Variants in ALPK1 observed in about 807,000 individuals in gnomAD.
The protein encoded by ALPK1 is alpha kinase 1, also known as alpha-protein kinase 1.
A neutral mutation model predicts 120.6 loss-of-function variants in ALPK1; 110 were observed. That is an observed-to-expected ratio of 0.91 (90% CI 0.78 to 1.07). The LOEUF (loss-of-function observed/expected upper bound fraction) is 1.07, where lower values mean the gene tolerates loss of function less well. ALPK1 is among the 50% of genes least tolerant of loss of function. The pLI is 0.00. For synonymous variants in ALPK1, 582 were observed against 560.3 expected (o/e 1.04, Z -0.55); for missense variants, 1,498 against 1,483.9 (o/e 1.01, Z -0.16).
intron 11 of ALPK1, among the ~76,000 whole-genome samples, chr4:112,433,765 T>A (rs11930555): frequency 1.3e-5 from 2 of 152,004 alleles, no homozygotes; most frequent in African/African-American, 2.4e-5. Flanking sequence ...CCAGAAGAGA[T>A]AAACTACATG....
At chr4:112,380,726 C>T (rs1205485888) in intron 3 of ALPK1, among the ~76,000 whole-genome samples, 2 of 151,894 alleles carry the variant, frequency 1.3e-5, no homozygotes, top group East Asian at 3.9e-4. Context: ...TTTCAAAGGG[C>T]CAGCTAGAAG....
At chr4:112,357,029 G>A (rs547007235) in intron 2 of ALPK1, 39 of 810,466 alleles carry the variant, frequency 4.8e-5, no homozygotes, top group African/African-American at 4.0e-4. Context: ...GGAGTTCAGC[G>A]CGGACCCCAC....
intron 2 of ALPK1, among the ~76,000 whole-genome samples, chr4:112,329,477 A>G (rs1192707227): frequency 6.6e-6 from 1 of 152,222 alleles, no homozygotes; most frequent in Non-Finnish European, 1.5e-5. Flanking sequence ...TTATTTCAAA[A>G]CAAAGAAAGC....
At chr4:112,414,371 C>A in intron 5 of ALPK1, 1 of 454,498 alleles carries the variant, frequency 2.2e-6, no homozygotes, top group Middle Eastern at 3.4e-4. Context: ...CTTTGGGAGG[C>A]CGAAGCGGGT....
At chr4:112,319,541 C>T (rs1204210781) in intron 2 of ALPK1, among the ~76,000 whole-genome samples, 1 of 152,140 alleles carries the variant, frequency 6.6e-6, no homozygotes, top group Admixed American at 6.5e-5. Context: ...TTTCTGGTTC[C>T]ATATGAATTT....
intron 2 of ALPK1, chr4:112,358,242 C>A: frequency 1.7e-6 from 1 of 586,650 alleles, no homozygotes. Context: ...GTTGCCTTTG[C>A]AGACGCCAGA....
In ALPK1 at chr4:112,356,289, G is replaced by A. The variant is rs1055401798; in HGVS notation, c.-100-21389G>A. ...ACAGGCAAGACGCTGTGCCTCCTGT[G>A]CACCACCCTGGCCTGGCGAGAACAC... On this transcript the variant is annotated intron_variant, in intron 2 of 15. Transcript: ENST00000650871. 3.7e-6 allele frequency: 4 copies of A among 1,086,430 alleles called. No homozygotes were observed. In the South Asian group the frequency reaches 3.7e-5, roughly 10 times the overall value. 67.3% of individuals were successfully genotyped at this position (1,086,430 alleles called of 1,614,324 possible). A position where few individuals can be genotyped will look rare whatever the true frequency, so the allele number is the denominator to read the frequency against.
chr4:112,301,076 T>C (rs755053447), intron 1 of ALPK1, among the ~76,000 whole-genome samples: 1 of 152,190 alleles, frequency 6.6e-6, no homozygotes, highest in African/African-American at 2.4e-5. Flanking sequence ...ATGTGTCCTT[T>C]TAGTTGGCAT....
At chr4:112,342,038 A>G (rs1729884528) in intron 2 of ALPK1, among the ~76,000 whole-genome samples, 1 of 152,224 alleles carries the variant, frequency 6.6e-6, no homozygotes, top group Non-Finnish European at 1.5e-5. Context: ...TCAGCTTGCC[A>G]AAGTTCTTAG....
chr4:112,349,534 T>C lies in ALPK1; in HGVS notation c.-100-28144T>C, dbSNP rs530831816. ...TAAAACTGTGAGATTGATCCTATTA[T>C]TACCGCCCCAACCCCTGCCCCCCCC... On this transcript the variant is annotated intron_variant, in intron 2 of 15. Coordinates refer to ENST00000650871, the MANE Select transcript of ALPK1 (RefSeq NM_025144.4). 1.2e-3 allele frequency among the ~76,000 whole-genome samples: 174 copies of C among 139,538 alleles called. 1 individual carries two copies. Among genetic ancestry groups the C allele is most frequent in the Non-Finnish European group, 2.2e-3 (142 of 65,350 alleles). The allele number at this position is 139,538 out of a possible 152,430, so 91.5% of individuals were successfully genotyped here. A position where few individuals can be genotyped will look rare whatever the true frequency, so the allele number is the denominator to read the frequency against.
At chr4:112,370,025 T>G (rs995336791) in intron 2 of ALPK1, among the ~76,000 whole-genome samples, 4 of 152,234 alleles carry the variant, frequency 2.6e-5, no homozygotes, top group Admixed American at 2.6e-4. Flanking sequence ...CAGTAGACAA[T>G]GGAATATCTC....
At chr4:112,321,195 C>G (rs569738354) in intron 2 of ALPK1, among the ~76,000 whole-genome samples, 3 of 152,204 alleles carry the variant, frequency 2.0e-5, no homozygotes, top group Non-Finnish European at 2.9e-5. Flanking sequence ...CCGAGCCCAG[C>G]CAATATCACC....
At chr4:112,439,009 G>A (rs231250) in intron 13 of ALPK1, among the ~76,000 whole-genome samples, 103,102 of 151,924 alleles carry the variant, frequency 0.68, 35,137 homozygotes, top group African/African-American at 0.74. Context: ...TCTAACTTCT[G>A]TCCATGGATT....
intron 7 of ALPK1, 52 bp downstream of exon 7, chr4:112,425,803 T>C (rs1463597289): frequency 2.1e-6 from 3 of 1,452,398 alleles, no homozygotes; most frequent in Non-Finnish European, 2.9e-6. Context: ...AAAGCCTGGC[T>C]GCATGGTTTC....
At chr4:112,332,459 A>G (rs1308328229) in intron 2 of ALPK1, among the ~76,000 whole-genome samples, 1 of 152,190 alleles carries the variant, frequency 6.6e-6, no homozygotes, top group Non-Finnish European at 1.5e-5. Flanking sequence ...AGTCACATAT[A>G]TGTCTTGCCA....
At chr4:112,374,397 G>A (rs928445408) in intron 2 of ALPK1, among the ~76,000 whole-genome samples, 6 of 152,166 alleles carry the variant, frequency 3.9e-5, no homozygotes, top group Non-Finnish European at 7.3e-5. Flanking sequence ...CACATCTGCA[G>A]CTACTTCCAC....
At chr4:112,392,802 A>G (rs1388431821) in intron 4 of ALPK1, among the ~76,000 whole-genome samples, 1 of 152,184 alleles carries the variant, frequency 6.6e-6, no homozygotes, top group Non-Finnish European at 1.5e-5. Flanking sequence ...AAGTGCTGGG[A>G]TTGCCGGATT....
At chr4:112,301,544 T>A (rs565398351) in intron 1 of ALPK1, among the ~76,000 whole-genome samples, 39 of 152,196 alleles carry the variant, frequency 2.6e-4, no homozygotes, top group Middle Eastern at 6.8e-3. Flanking sequence ...CTCTGTGGGG[T>A]CTTCTTGGGG....
At chr4:112,305,802 A>G (rs958939855) in intron 1 of ALPK1, among the ~76,000 whole-genome samples, 1 of 152,080 alleles carries the variant, frequency 6.6e-6, no homozygotes, top group African/African-American at 2.4e-5. Context: ...AGGAGTGGTG[A>G]GAGAAGGCAT....
Sources: allele counts gnomAD v4.1 joint callset (sites outside exome capture counted in the v4.1 genomes callset), GRCh38; gene constraint gnomAD v4.1.1; transcripts MANE v1.5; gene names NCBI Gene and HGNC (gene_info 2026-07-23, HGNC 2026-07-21).